The following STPG2 variants were observed in gnomAD, a reference collection of about 807,000 sequenced individuals.
STPG2 encodes the protein sperm-tail PG-rich repeat-containing protein 2.
In STPG2, 56 loss-of-function variants were observed where a neutral mutation model predicts 54.2. The observed-to-expected ratio is 1.03, with a 90% CI of 0.83 to 1.29. STPG2 has a LOEUF of 1.29. Ranked by LOEUF, STPG2 falls within the 50% of genes most tolerant of loss-of-function variation. The pLI is 0.00. For synonymous variants in STPG2, 200 were observed against 181.8 expected (o/e 1.10, Z -0.81); for missense variants, 596 against 544.9 (o/e 1.09, Z -0.93).
At chr4:97,784,590 A>G (rs1482596734) in intron 9 of STPG2, among the ~76,000 whole-genome samples, 1 of 152,080 alleles carries the variant, frequency 6.6e-6, no homozygotes, top group Non-Finnish European at 1.5e-5. Flanking sequence ...AAAAAAGAAA[A>G]AAAAGTAGAA....
At chr4:97,572,637 C>T (rs1340610719) in intron 10 of STPG2, 1 of 152,102 alleles carries the variant, frequency 6.6e-6, no homozygotes, top group Non-Finnish European at 1.5e-5. Flanking sequence ...GATCCCATGA[C>T]TGCTACTCAC....
At chr4:98,030,791 T>C (rs939937374) in intron 5 of STPG2, among the ~76,000 whole-genome samples, 1 of 152,130 alleles carries the variant, frequency 6.6e-6, no homozygotes, top group African/African-American at 2.4e-5. Flanking sequence ...GGGGAAAGGA[T>C]TTTCTATTCA....
intron 4 of STPG2, among the ~76,000 whole-genome samples, chr4:97,542,714 C>T (rs1038301447): frequency 5.3e-5 from 8 of 152,062 alleles, no homozygotes; most frequent in Non-Finnish European, 1.2e-4. Context: ...ATACTTGGAA[C>T]GAACCGAAAT....
intron 9 of STPG2, among the ~76,000 whole-genome samples, chr4:97,826,403 T>C (rs1728259769): frequency 6.6e-6 from 1 of 151,950 alleles, no homozygotes; most frequent in Admixed American, 6.6e-5. Context: ...AAATTAATTG[T>C]AAAGAGATTC....
intron 9 of STPG2, among the ~76,000 whole-genome samples, chr4:97,815,260 T>C (rs1211021874): frequency 6.6e-6 from 1 of 152,112 alleles, no homozygotes; most frequent in African/African-American, 2.4e-5. Context: ...GTGCACACGT[T>C]TGTATATACA....
chr4:97,860,575 G>C (rs1463314548), intron 8 of STPG2, among the ~76,000 whole-genome samples: 1 of 150,758 alleles, frequency 6.6e-6, no homozygotes, highest in East Asian at 1.9e-4. Context: ...TTGCTTCTCA[G>C]CTTGGTCACT....
intron 10 of STPG2, among the ~76,000 whole-genome samples, chr4:97,661,907 C>G (rs1298519808): frequency 1.3e-5 from 2 of 152,082 alleles, no homozygotes; most frequent in Non-Finnish European, 2.9e-5. Context: ...TGAATTAAAA[C>G]TGAATAAGGA....
At chr4:97,541,966 T>A (rs896628462) in intron 4 of STPG2, among the ~76,000 whole-genome samples, 1 of 152,096 alleles carries the variant, frequency 6.6e-6, no homozygotes, top group Non-Finnish European at 1.5e-5. Flanking sequence ...ATACAAAAAT[T>A]AATTCAAGAT....
Position 97,765,035 on chromosome 4 carries a change from G to T in STPG2, c.1205-52221C>A, listed in dbSNP as rs527950723. Among the ~76,000 whole-genome samples the T allele has an allele frequency of 2.0e-5, 3 of 152,160 alleles. No individual in the cohort carries two copies. The South Asian group carries it at 6.2e-4, about 32-fold the overall frequency. ...AATTCTCAGTGGGTACTATGTTTGT[G>T]TTCAATTGACTTAGCATGGAGGATG... On this transcript the variant is annotated intron_variant, in intron 9 of 10. Transcript: ENST00000295268.
At chr4:97,883,494 T>G (rs1406157735) in intron 8 of STPG2, among the ~76,000 whole-genome samples, 1 of 151,676 alleles carries the variant, frequency 6.6e-6, no homozygotes, top group Admixed American at 6.6e-5. Context: ...CTATAACCAA[T>G]GATAAAGCCT....
At chr4:97,828,599 A>G (rs1403378121) in intron 9 of STPG2, among the ~76,000 whole-genome samples, 1 of 152,078 alleles carries the variant, frequency 6.6e-6, no homozygotes, top group Non-Finnish European at 1.5e-5. Context: ...GGTCTGCCTC[A>G]GTGGGTCTCA....
chr4:97,599,241 A>G (rs1463811354), intron 10 of STPG2, among the ~76,000 whole-genome samples: 1 of 152,206 alleles, frequency 6.6e-6, no homozygotes, highest in African/African-American at 2.4e-5. Context: ...AAGTCAAAAA[A>G]TAAGAGATGC....
rs571617347 is a variant in STPG2 at position 97,559,381 on chromosome 4, C to T, written c.1321-264G>A. ...TTACTTCAAGTAGGTCTGTTGTGCA[C>T]TTATTTACTTGTAATAGTCTGTTGT... is the stretch of plus-strand genomic sequence containing the variant. On this transcript the variant is annotated intron_variant, in intron 10 of 10. Coordinates refer to ENST00000295268, the MANE Select transcript of STPG2 (RefSeq NM_174952.3). Among the ~76,000 whole-genome samples, 7 of 152,178 alleles carry T rather than the reference C, an allele frequency of 4.6e-5. No homozygotes were observed. In the South Asian group the frequency reaches 1.5e-3, roughly 32 times the overall value.
In STPG2 at chr4:97,736,385, G is replaced by A. The variant is rs147115868; in HGVS notation, c.1205-23571C>T. Among the ~76,000 whole-genome samples the A allele has an allele frequency of 4.4e-3, 671 of 152,286 alleles. 3 individuals are homozygous for A. Among genetic ancestry groups the A allele is most frequent in the South Asian group, 0.024 (118 of 4,830 alleles). On this transcript the variant is annotated intron_variant, in intron 9 of 10. Coordinates refer to ENST00000295268, the MANE Select transcript of STPG2 (RefSeq NM_174952.3). ...GGACAGTGGGTGCAGCACACCGTGC[G>A]CGAGTCGAAGCAGGGCGAGGCATTG...
intron 10 of STPG2, among the ~76,000 whole-genome samples, chr4:97,583,499 C>T (rs1732915210): frequency 6.6e-6 from 1 of 151,918 alleles, no homozygotes; most frequent in African/African-American, 2.4e-5. Flanking sequence ...GCTATTTTCA[C>T]ATGAACTGAC....
At position 98,143,416 on chromosome 4, in the gene STPG2, G is replaced by C. The variant is rs193035835; in HGVS notation, c.-266C>G. ...GTCCCACACAATCATCAGTTTGCCAGGTGCACGCCACCAAAATTGGGTATT... is the reference window on the plus strand; with the variant it reads ...GTCCCACACAATCATCAGTTTGCCACGTGCACGCCACCAAAATTGGGTATT... On this transcript the variant is annotated 5_prime_UTR_variant, in exon 1 of 11. Coordinates refer to ENST00000295268, the MANE Select transcript of STPG2 (RefSeq NM_174952.3). Among the ~76,000 whole-genome samples the C allele has an allele frequency of 1.3e-5, 2 of 152,206 alleles. No individual in the cohort carries two copies. The highest frequency in any genetic ancestry group is 4.8e-5 in the African/African-American group (2 of 41,458).
At chr4:97,544,805 T>G (rs1022948101) in intron 4 of STPG2, among the ~76,000 whole-genome samples, 1 of 152,094 alleles carries the variant, frequency 6.6e-6, no homozygotes, top group South Asian at 2.1e-4. Flanking sequence ...AGGCAAGAAT[T>G]ATTTATTTCC....
chr4:97,820,402 T>G (rs965028558), intron 9 of STPG2, among the ~76,000 whole-genome samples: 22 of 152,136 alleles, frequency 1.4e-4, no homozygotes, highest in Admixed American at 1.3e-4. Flanking sequence ...GGTCTCTCAC[T>G]TTAAATTAAA....
At chr4:97,906,948 A>C (rs1731451776) in intron 8 of STPG2, among the ~76,000 whole-genome samples, 1 of 150,966 alleles carries the variant, frequency 6.6e-6, no homozygotes, top group Non-Finnish European at 1.5e-5. Context: ...TCCCTTTGAA[A>C]ACTGGCACAA....
Sources: gnomAD v4.1 joint callset for allele counts (sites outside exome capture counted in the v4.1 genomes callset) on GRCh38, gnomAD v4.1.1 for gene constraint, MANE v1.5 for transcripts, NCBI Gene and HGNC (gene_info 2026-07-23, HGNC 2026-07-21) for gene names.